SH3BGRL: variants seen among roughly 807,000 people sequenced by gnomAD.
SH3BGRL encodes the protein SH3 domain binding glutamate rich protein like.
Under a neutral mutation model 9.8 loss-of-function variants are expected in SH3BGRL, and 7 were observed. The observed-to-expected ratio is 0.72, with a 90% CI of 0.41 to 1.35. SH3BGRL has a LOEUF of 1.35. Ranked by LOEUF, SH3BGRL falls within the 40% of genes most tolerant of loss-of-function variation. SH3BGRL has a pLI of 0.01. For missense variants in SH3BGRL, 73 were observed against 84.4 expected (o/e 0.86, Z 0.53); for synonymous variants, 36 against 29.1 (o/e 1.24, Z -0.76).
chrX:81,277,276 C>A, intron 2 of SH3BGRL, 107 bp downstream of exon 2: 1 of 629,108 alleles, frequency 1.6e-6, no homozygotes, highest in Non-Finnish European at 2.4e-6. Flanking sequence ...ATATCTCTTG[C>A]ATATAGTCAT....
chrX:81,271,856 A>C (rs1030414832), intron 1 of SH3BGRL, among the ~76,000 whole-genome samples: 1 of 111,215 alleles, frequency 9.0e-6, no homozygotes, highest in Non-Finnish European at 1.9e-5. Context: ...CAAGCTGAAA[A>C]AAAAGGTGTA....
intron 1 of SH3BGRL, among the ~76,000 whole-genome samples, chrX:81,234,410 C>T (rs912604897): frequency 8.9e-6 from 1 of 111,780 alleles, no homozygotes; most frequent in Non-Finnish European, 1.9e-5. Flanking sequence ...TGCAGCTTTT[C>T]GTTTTTAAGG....
At chrX:81,238,827 G>GAGAGAGAGAGA (rs2075657850) in intron 1 of SH3BGRL, among the ~76,000 whole-genome samples, 1 of 81,028 alleles carries the variant, frequency 1.2e-5, no homozygotes, top group Non-Finnish European at 2.6e-5. Context: ...AGAGAGAGAG[G>GAGAGAGAGAGA]GAGAGAGAGA....
chrX:81,249,992 A>T (rs868263373), intron 1 of SH3BGRL, among the ~76,000 whole-genome samples: 8 of 111,153 alleles, frequency 7.2e-5, no homozygotes, highest in African/African-American at 2.3e-4. Flanking sequence ...AAATAAATTT[A>T]AAAAATATTT....
intron 1 of SH3BGRL, among the ~76,000 whole-genome samples, chrX:81,272,344 A>T (rs921437752): frequency 9.0e-6 from 1 of 111,101 alleles, no homozygotes; most frequent in Non-Finnish European, 1.9e-5. Context: ...GGGGTTTCAG[A>T]TTTGATGTTC....
At chrX:81,248,703 C>A (rs992081523) in intron 1 of SH3BGRL, among the ~76,000 whole-genome samples, 1 of 112,124 alleles carries the variant, frequency 8.9e-6, no homozygotes, top group Non-Finnish European at 1.9e-5. Context: ...TTAAAAATGG[C>A]ATCCTGCTCT....
intron 1 of SH3BGRL, among the ~76,000 whole-genome samples, chrX:81,225,333 A>G (rs1442171669): frequency 1.8e-5 from 2 of 110,963 alleles, no homozygotes; most frequent in Non-Finnish European, 3.8e-5. Context: ...TTACATCGCT[A>G]TATTACATCG....
chrX:81,285,301 G>A (rs1334431108), intron 3 of SH3BGRL, among the ~76,000 whole-genome samples: 2 of 111,729 alleles, frequency 1.8e-5, no homozygotes, highest in East Asian at 5.6e-4. Context: ...ATGTTTAGCT[G>A]TAAATTCAGC....
At chrX:81,225,274 A>G (rs941631449) in intron 1 of SH3BGRL, among the ~76,000 whole-genome samples, 6 of 111,287 alleles carry the variant, frequency 5.4e-5, no homozygotes, top group African/African-American at 2.0e-4. Context: ...GATTATTTAT[A>G]TATTTTCTTT....
intron 3 of SH3BGRL, among the ~76,000 whole-genome samples, chrX:81,289,294 C>A (rs1343025852): frequency 8.9e-6 from 1 of 111,907 alleles, no homozygotes; most frequent in Non-Finnish European, 1.9e-5. Context: ...AGACTTAAAT[C>A]TAATACCTCA....
chrX:81,285,243 T>C (rs2075830681), intron 3 of SH3BGRL, among the ~76,000 whole-genome samples: 1 of 111,412 alleles, frequency 9.0e-6, no homozygotes, highest in South Asian at 3.7e-4. Context: ...TTAACCCACA[T>C]TGAAAAAGTG....
chrX:81,264,382 C>T, intron 1 of SH3BGRL, among the ~76,000 whole-genome samples: 1 of 111,709 alleles, frequency 9.0e-6, no homozygotes, highest in Non-Finnish European at 1.9e-5. Context: ...TTCTTAACAT[C>T]TCTGAGCCCC....
intron 1 of SH3BGRL, among the ~76,000 whole-genome samples, chrX:81,246,394 C>T (rs925008030): frequency 5.4e-5 from 6 of 111,351 alleles, no homozygotes; most frequent in African/African-American, 2.0e-4. Flanking sequence ...AGGAAGATGT[C>T]CAGTATGGTT....
intron 1 of SH3BGRL, among the ~76,000 whole-genome samples, chrX:81,205,570 G>A (rs7056350): frequency 9.7e-6 from 1 of 103,532 alleles, no homozygotes; most frequent in African/African-American, 3.5e-5. Context: ...TGGACACTTA[G>A]CCACATATCA....
intron 1 of SH3BGRL, among the ~76,000 whole-genome samples, chrX:81,272,111 G>C (rs1476056994): frequency 9.3e-6 from 1 of 107,892 alleles, no homozygotes; most frequent in Non-Finnish European, 1.9e-5. Context: ...GTGGGAGAAT[G>C]GCATGAACCC....
intron 1 of SH3BGRL, among the ~76,000 whole-genome samples, chrX:81,209,006 T>G (rs1415107529): frequency 9.0e-5 from 9 of 100,231 alleles, no homozygotes; most frequent in Admixed American, 7.6e-4. Context: ...AACTAAGTTT[T>G]TTTTTTTTTT....
chrX:81,244,489 C>T (rs2075681703), intron 1 of SH3BGRL, among the ~76,000 whole-genome samples: 1 of 111,444 alleles, frequency 9.0e-6, no homozygotes, highest in Non-Finnish European at 1.9e-5. Flanking sequence ...TTATCATCTT[C>T]GAATTGTTTG....
intron 1 of SH3BGRL, among the ~76,000 whole-genome samples, chrX:81,246,128 C>G (rs1323005179): frequency 1.8e-5 from 2 of 110,343 alleles, no homozygotes; most frequent in African/African-American, 6.6e-5. Context: ...GAGTAGTGTC[C>G]GTTCATGTCT....
intron 1 of SH3BGRL, among the ~76,000 whole-genome samples, chrX:81,234,733 G>A (rs752753280): frequency 4.5e-5 from 5 of 111,891 alleles, no homozygotes; most frequent in African/African-American, 1.3e-4. Context: ...CACCTTGATT[G>A]TAGGTACCCG....
Sources: gnomAD v4.1 joint callset for allele counts (sites outside exome capture counted in the v4.1 genomes callset) on GRCh38, gnomAD v4.1.1 for gene constraint, MANE v1.5 for transcripts, NCBI Gene and HGNC (gene_info 2026-07-23, HGNC 2026-07-21) for gene names.